The following SETD2 variants were observed in gnomAD, a reference collection of about 807,000 sequenced individuals.
SETD2 encodes the protein histone-lysine N-methyltransferase SETD2.
SETD2 carries 31 observed loss-of-function variants against 242.1 expected under a neutral mutation model. That is an observed-to-expected ratio of 0.13 (90% CI 0.10 to 0.17). The LOEUF (loss-of-function observed/expected upper bound fraction) is 0.17. SETD2 is among the 10% of genes least tolerant of loss of function. The pLI, the probability that SETD2 is intolerant of heterozygous loss-of-function variation, is 1.00. For synonymous variants in SETD2, 1,006 were observed against 1,066.5 expected, an observed-to-expected ratio of 0.94 and a Z score of 1.11; for missense variants, 2,481 against 3,046.3, an observed-to-expected ratio of 0.81 and a Z score of 4.37.
chr3:47,053,669 G>A (rs1001056119), intron 15 of SETD2, among the ~76,000 whole-genome samples: 22 of 152,268 alleles, frequency 1.4e-4, no homozygotes, highest in African/African-American at 5.1e-4. Flanking sequence ...CACCGCCAAG[G>A]TTATCACAGC....
At chr3:47,052,424 C>T (rs1468568226) in intron 15 of SETD2, among the ~76,000 whole-genome samples, 1 of 152,206 alleles carries the variant, frequency 6.6e-6, no homozygotes, top group East Asian at 1.9e-4. Context: ...CTTCCTGCTT[C>T]AGCCTCTCAA....
At chr3:47,154,135 G>A (rs1176854680) in intron 1 of SETD2, among the ~76,000 whole-genome samples, 2 of 152,166 alleles carry the variant, frequency 1.3e-5, no homozygotes, top group Admixed American at 6.5e-5. Context: ...TCTTGGCCAG[G>A]CGCGATGGCT....
chr3:47,139,507 G>C (rs2043677085), intron 1 of SETD2, among the ~76,000 whole-genome samples: 1 of 152,032 alleles, frequency 6.6e-6, no homozygotes, highest in Admixed American at 6.6e-5. Flanking sequence ...AATCTCCCCT[G>C]GGCCTAACAT....
intron 18 of SETD2, among the ~76,000 whole-genome samples, chr3:47,026,160 T>G (rs1046966744): frequency 1.4e-4 from 21 of 152,180 alleles, no homozygotes; most frequent in African/African-American, 5.1e-4. Flanking sequence ...GAACAGACAC[T>G]TCTCAAAAAA....
intron 12 of SETD2, among the ~76,000 whole-genome samples, chr3:47,069,494 C>A (rs919338341): frequency 1.3e-5 from 2 of 152,136 alleles, no homozygotes; most frequent in African/African-American, 4.8e-5. Flanking sequence ...GCCAGACATG[C>A]GTATTTTTTA....
At chr3:47,119,791 T>C (rs758378291) in intron 3 of SETD2, 15 of 472,784 alleles carry the variant, frequency 3.2e-5, no homozygotes, top group Admixed American at 1.4e-4. Flanking sequence ...CTGCACATTT[T>C]TGAAAATAAA....
At position 47,111,751 on chromosome 3, in the gene SETD2, A is replaced by G. The variant is rs1392752476; in HGVS notation, c.4715+2125T>C. 2.0e-5 allele frequency among the ~76,000 whole-genome samples: 3 copies of G among 149,072 alleles called. No homozygotes were observed. The East Asian group carries it at 5.8e-4, about 29-fold the overall frequency. The stretch of plus-strand genomic sequence containing the variant: ...AACATCATTTCTTATCTTCAAAGGA[A>G]AAAAAAAAAAAGAACAATTTGCTTA... On this transcript the variant is annotated intron_variant, in intron 5 of 20. Coordinates refer to ENST00000409792, the MANE Select transcript of SETD2 (RefSeq NM_014159.7).
intron 8 of SETD2, among the ~76,000 whole-genome samples, chr3:47,100,386 G>A (rs1196289141): frequency 6.6e-6 from 1 of 152,020 alleles, no homozygotes; most frequent in Non-Finnish European, 1.5e-5. Flanking sequence ...TCAGCCTCCA[G>A]AGTAGCTGGG....
rs573301881 is a variant in SETD2, at chr3:47,122,972, T to G, written c.1664A>C (p.Tyr555Ser). 5 of 1,613,996 alleles carry G rather than the reference T, an allele frequency of 3.1e-6. No individual in the cohort carries two copies. The Admixed American group carries it at 8.3e-5, about 27-fold the overall frequency. ...TATAGGTTTTGAAAGGGTAGATTTATAACGGGAAGCACTACTGTCATGCTT... is the reference window on the plus strand; with the variant it reads ...TATAGGTTTTGAAAGGGTAGATTTAGAACGGGAAGCACTACTGTCATGCTT... ...YSKHDSSASR[Y>S]KSTLSKPIPK... is the part of the protein sequence containing the mutation. Residue 555 changes from tyrosine to serine, a missense_variant, in exon 3 of 21, where the codon TAT becomes TCT. By Grantham distance (144) the Tyr-to-Ser change is moderately radical. This residue lies in a region of SETD2 where 1,300 missense variants were observed against 1,259.2 expected (regional missense o/e 1.03). Coordinates refer to ENST00000409792, the MANE Select transcript of SETD2 (RefSeq NM_014159.7).
chr3:47,088,012 A>AAAG, intron 10 of SETD2, 101 bp downstream of exon 10: 1 of 1,172,476 alleles, frequency 8.5e-7, no homozygotes, highest in South Asian at 1.7e-5. Flanking sequence ...AATAAATAAA[A>AAAG]TAAGACTAAC....
chr3:47,100,267 C>T (rs966548444), intron 8 of SETD2, among the ~76,000 whole-genome samples: 16 of 149,076 alleles, frequency 1.1e-4, no homozygotes, highest in Admixed American at 7.3e-4. Context: ...TGTTCGTTTG[C>T]TTTTTATTTT....
chr3:47,117,451 A>G (rs910971813), intron 3 of SETD2, among the ~76,000 whole-genome samples: 13 of 152,130 alleles, frequency 8.5e-5, no homozygotes. Flanking sequence ...GGTTCTAGGA[A>G]AAATAGGAAA....
intron 12 of SETD2, among the ~76,000 whole-genome samples, chr3:47,071,969 G>A (rs2040840341): frequency 6.6e-6 from 1 of 151,980 alleles, no homozygotes; most frequent in Non-Finnish European, 1.5e-5. Context: ...CAAGAAAAAG[G>A]TTACCACTGG....
chr3:47,133,988 C>T (rs576061456), intron 1 of SETD2, among the ~76,000 whole-genome samples: 20 of 152,130 alleles, frequency 1.3e-4, no homozygotes, highest in Admixed American at 2.6e-4. Flanking sequence ...TTAACATATC[C>T]TAGCCCAGAG....
In SETD2 at chr3:47,163,910, C is replaced by G. The variant is rs1697587118; in HGVS notation, c.15G>C (p.Gln5His). 1.5e-6 allele frequency: 2 copies of G among 1,313,316 alleles called. No homozygotes were observed. Among genetic ancestry groups the G allele is most frequent in the South Asian group, 6.1e-5 (2 of 32,572 alleles). The allele number at this position is 1,313,316 out of a possible 1,614,324, so 81.4% of individuals were successfully genotyped here. The change falls in exon 1 of 21, where the codon CAG becomes CAC. Residue 5 changes from glutamine to histidine, a missense_variant. Gln to His is a conservative substitution (Grantham distance 24). Coordinates refer to ENST00000409792, the MANE Select transcript of SETD2 (RefSeq NM_014159.7). MKQL[Q>H]PQPPPKMGDF... ...CCCCCATCTTCGGAGGCGGCTGCGG[C>G]TGCAGCTGCTTCATCGGGAGCGGCT... is the stretch of plus-strand genomic sequence containing the variant.
intron 15 of SETD2, among the ~76,000 whole-genome samples, chr3:47,050,679 G>A (rs1042609822): frequency 2.1e-5 from 3 of 141,278 alleles, no homozygotes; most frequent in African/African-American, 7.9e-5. Context: ...CAGGTCCCAA[G>A]CATTACAGAT....
intron 1 of SETD2, among the ~76,000 whole-genome samples, chr3:47,131,571 G>A (rs1043810314): frequency 2.0e-5 from 3 of 151,878 alleles, no homozygotes; most frequent in African/African-American, 2.4e-5. Flanking sequence ...TCTCGATCTC[G>A]ACCTCGTGAT....
chr3:47,086,995 T>C, intron 10 of SETD2, among the ~76,000 whole-genome samples: 1 of 151,488 alleles, frequency 6.6e-6, no homozygotes, highest in Admixed American at 6.6e-5. Context: ...AAGCTATGAT[T>C]GCACAACTGC....
intron 18 of SETD2, among the ~76,000 whole-genome samples, chr3:47,035,285 A>T (rs1575665848): frequency 6.6e-6 from 1 of 152,262 alleles, no homozygotes; most frequent in South Asian, 2.1e-4. Context: ...TAACTACTAC[A>T]ATAAGCTCAT....
Sources: allele counts gnomAD v4.1 joint callset (sites outside exome capture counted in the v4.1 genomes callset), GRCh38; gene constraint gnomAD v4.1.1; regional missense constraint gnomAD v4.1.1; transcripts MANE v1.5; gene names NCBI Gene and HGNC (gene_info 2026-07-23, HGNC 2026-07-21).